Variants in OR2T11 observed in about 807,000 individuals in gnomAD.
OR2T11 encodes the protein olfactory receptor family 2 subfamily T member 11, also known as olfactory receptor 2T11.
In OR2T11, 14 loss-of-function variants were observed where a neutral mutation model predicts 13.5. The ratio of observed to expected loss-of-function variants is 1.04; its 90% CI spans 0.69 to 1.62. The LOEUF is 1.62. OR2T11 is among the 40% of genes most tolerant of loss of function. The pLI is 0.00. For missense variants in OR2T11, 410 were observed against 389.7 expected (o/e 1.05, Z -0.44); for synonymous variants, 163 against 154.6 (o/e 1.05, Z -0.40).
rs1003113350 is a variant in OR2T11 at position 248,627,030 on chromosome 1, C to G, written c.99G>C (p.Leu33Phe). The change falls in exon 2 of 2, where the codon TTG (leucine) becomes TTC (phenylalanine). Residue 33 changes from leucine (L) to phenylalanine (F), a missense_variant. Leu to Phe is a conservative substitution (Grantham distance 22). Coordinates refer to ENST00000641193, the MANE Select transcript of OR2T11 (RefSeq NM_001001964.2). ...IVFTVILAVF[L>F]GAVTANLVMI... is the part of the protein sequence containing the mutation. The stretch of plus-strand genomic sequence containing the variant: ...TGACCAAATTTGCAGTCACGGCCCC[C>G]AAGAAAACAGCAAGGATCACTGTAA... The G allele has an allele frequency of 1.0e-5, 16 of 1,569,966 alleles. 2 individuals carry two copies. The highest frequency in any genetic ancestry group is 1.3e-5 in the Non-Finnish European group (15 of 1,154,582).
intron 1 of OR2T11, among the ~76,000 whole-genome samples, chr1:248,628,647 C>G (rs1660556456): frequency 7.0e-6 from 1 of 143,316 alleles, no homozygotes; most frequent in East Asian, 2.0e-4. Flanking sequence ...GAAGTCATAT[C>G]TGGTTTCACA....
chr1:248,627,124 G>A lies in OR2T11; in HGVS notation c.5C>T (p.Thr2Met), dbSNP rs41308178. The change falls in exon 2 of 2, where the codon ACG (threonine) becomes ATG (methionine). Residue 2 changes from threonine (T) to methionine (M), a missense_variant. By Grantham distance (81) the Thr-to-Met change is moderately conservative (BLOSUM62 -1). Coordinates refer to ENST00000641193, the MANE Select transcript of OR2T11 (RefSeq NM_001001964.2). M[T>M]NTSSSDFTLL... ...GGTGAAGTCAGAGGATGATGTGTTC[G>A]TCATTGATATGGCCCACGAGCGTCC... is the stretch of plus-strand genomic sequence containing the variant. 1.2e-3 allele frequency: 1,847 copies of A among 1,521,772 alleles called. 198 individuals carry two copies. The highest frequency in any genetic ancestry group is 1.8e-3 in the African/African-American group (117 of 65,036). The allele number at this position is 1,521,772 out of a possible 1,614,324, so 94.3% of individuals were successfully genotyped here.
In OR2T11 at chr1:248,626,669, A is replaced by G; in HGVS notation, c.460T>C (p.Phe154Leu). The G allele has an allele frequency of 3.2e-6, 5 of 1,573,122 alleles. No individual in the cohort carries two copies. Among genetic ancestry groups the G allele is most frequent in the South Asian group, 1.1e-5 (1 of 88,902 alleles). Residue 154 changes from phenylalanine to leucine, a missense_variant, in exon 2 of 2, where the codon TTT (phenylalanine) becomes CTT (leucine). Transcript: ENST00000641193. ...GAWFGGSLDGFLLTPITMNVP... is the reference protein window; with the variant it reads ...GAWFGGSLDGLLLTPITMNVP... ...TTCATGGTGATGGGAGTGAGCAGAA[A>G]GCCATCGAGGGAGCCCCCAAACCAG...
chr1:248,627,774 T>C (rs1660545933), intron 1 of OR2T11, among the ~76,000 whole-genome samples: 1 of 142,736 alleles, frequency 7.0e-6, no homozygotes, highest in Non-Finnish European at 1.5e-5. Context: ...GTGCTCACAT[T>C]ACTAATTTCT....
In OR2T11 at chr1:248,626,103, G is replaced by T; in HGVS notation, c.*75C>A. ...CAGTAGTAAGTGTAGGTTGATAGCT[G>T]AGCAGATCATCTCCAGGGAAACAGG... is the stretch of plus-strand genomic sequence containing the variant. On this transcript the variant is annotated 3_prime_UTR_variant, in exon 2 of 2. Coordinates refer to ENST00000641193, the MANE Select transcript of OR2T11 (RefSeq NM_001001964.2). 1 of 812,366 alleles carries T rather than the reference G, an allele frequency of 1.2e-6. No individual in the cohort carries two copies. The highest frequency in any genetic ancestry group is 1.6e-5 in the South Asian group (1 of 62,592). The allele number at this position is 812,366 out of a possible 1,614,324, so 50.3% of individuals were successfully genotyped here. A position where few individuals can be genotyped will look rare whatever the true frequency, so the allele number is the denominator to read the frequency against.
rs1212884867 is a variant in OR2T11 at position 248,626,789 on chromosome 1, G to T, written c.340C>A (p.Leu114Ile). The change falls in exon 2 of 2, where the codon CTC becomes ATC. Residue 114 changes from leucine to isoleucine, a missense_variant. Transcript: ENST00000641193. ...MIGSEFFLLG[L>I]MAYDCYVAVC... The stretch of plus-strand genomic sequence containing the variant: ...GCCACGTAGCAGTCATAGGCCATGA[G>T]GCCCAGGAGGAAGAACTCAGAACCA... The T allele has an allele frequency of 2.5e-6, 4 of 1,569,474 alleles. No homozygotes were observed. Among genetic ancestry groups the T allele is most frequent in the Non-Finnish European group, 2.6e-6 (3 of 1,154,686 alleles).
At chr1:248,630,066 TTGAA>T (rs1273361701) in intron 1 of OR2T11, among the ~76,000 whole-genome samples, 1 of 140,574 alleles carries the variant, frequency 7.1e-6, no homozygotes, top group Non-Finnish European at 1.5e-5. Flanking sequence ...TTGTAAATCT[TTGAA>T]TAAATCATTT....
At position 248,625,658 on chromosome 1, in the gene OR2T11, G is replaced by T. The variant is rs1184659731; in HGVS notation, c.*520C>A. The T allele has an allele frequency of 2.0e-5, 3 of 147,236 alleles. No homozygotes were observed. Among genetic ancestry groups the T allele is most frequent in the African/African-American group, 8.2e-5 (3 of 36,554 alleles). 9.1% of individuals were successfully genotyped at this position (147,236 alleles called of 1,614,324 possible). The stretch of plus-strand genomic sequence containing the variant: ...ATAGCTGCTGTCTGTACTCAAGAGG[G>T]TCAGAGATTCAACGATAATATTAGA... On this transcript the variant is annotated 3_prime_UTR_variant, in exon 2 of 2. Transcript: ENST00000641193.
At chr1:248,627,299 G>A in intron 1 of OR2T11, 27 bp from the exon 2 acceptor site, 2 of 557,938 alleles carry the variant, frequency 3.6e-6, no homozygotes, top group South Asian at 4.4e-5. Flanking sequence ...AGACCAACAT[G>A]CACATCATGA....
intron 1 of OR2T11, among the ~76,000 whole-genome samples, chr1:248,628,410 G>A (rs1236304374): frequency 7.1e-6 from 1 of 140,018 alleles, no homozygotes; most frequent in African/African-American, 2.9e-5. Context: ...ATCAACGGGG[G>A]AGCCCGGATG....
At position 248,625,446 on chromosome 1, in the gene OR2T11, G is replaced by C. The variant is rs1360866877; in HGVS notation, c.*732C>G. 7.0e-6 allele frequency: 1 copy of C among 143,846 alleles called. No homozygotes were observed. The highest frequency in any genetic ancestry group is 1.5e-5 in the Non-Finnish European group (1 of 66,394). The allele number at this position is 143,846 out of a possible 1,614,324, so 8.9% of individuals were successfully genotyped here. On this transcript the variant is annotated 3_prime_UTR_variant, in exon 2 of 2. Coordinates refer to ENST00000641193, the MANE Select transcript of OR2T11 (RefSeq NM_001001964.2). ...GAATCACAGAACTTGGAAAAGGGAA[G>C]TTTCTGGCCATGGATGTTAACGAAC...
intron 1 of OR2T11, among the ~76,000 whole-genome samples, chr1:248,631,389 A>G (rs1660612626): frequency 7.0e-6 from 1 of 143,170 alleles, no homozygotes; most frequent in South Asian, 2.2e-4. Context: ...AATTATCACC[A>G]TCTCACAGCT....
At chr1:248,629,013 T>G (rs1660565856) in intron 1 of OR2T11, among the ~76,000 whole-genome samples, 2 of 143,672 alleles carry the variant, frequency 1.4e-5, no homozygotes, top group African/African-American at 5.5e-5. Context: ...TATATTAGAC[T>G]CCAAAAACTT....
Position 248,628,468 on chromosome 1 carries a change from C to T in OR2T11, c.-144-1196G>A, listed in dbSNP as rs187173643. 9.2e-4 allele frequency among the ~76,000 whole-genome samples: 130 copies of T among 140,736 alleles called. 16 individuals are homozygous for T. Among genetic ancestry groups the T allele is most frequent in the Middle Eastern group, 3.4e-3 (1 of 292 alleles). The allele number at this position is 140,736 out of a possible 152,430, so 92.3% of individuals were successfully genotyped here. ...CATGTTGCTAGACACACCTTGGCTC[C>T]ACTATCTAGTGTTGCCAGATTTAGC... On this transcript the variant is annotated intron_variant, in intron 1 of 1. Coordinates refer to ENST00000641193, the MANE Select transcript of OR2T11 (RefSeq NM_001001964.2).
intron 1 of OR2T11, among the ~76,000 whole-genome samples, chr1:248,633,483 C>CA (rs111569736): frequency 0.94 from 131,654 of 140,062 alleles, 63,622 homozygotes; most frequent in East Asian, 1. Context: ...TACACAAAGC[C>CA]ATTATTTGCA....
rs1463519920 is a variant in OR2T11 at position 248,630,050 on chromosome 1, G to A, written c.-144-2778C>T. Among the ~76,000 whole-genome samples the A allele has an allele frequency of 1.4e-5, 2 of 143,334 alleles. 1 individual carries two copies. Among genetic ancestry groups the A allele is most frequent in the African/African-American group, 5.5e-5 (2 of 36,380 alleles). The allele number at this position is 143,334 out of a possible 152,430, so 94.0% of individuals were successfully genotyped here. On this transcript the variant is annotated intron_variant, in intron 1 of 1. Transcript: ENST00000641193. The stretch of plus-strand genomic sequence containing the variant: ...ACTCTCACCATCTAAAGATACGACT[G>A]GCACATTGTAAATCTTTGAATAAAT...
intron 1 of OR2T11, among the ~76,000 whole-genome samples, chr1:248,631,921 C>T (rs564785178): frequency 7.0e-6 from 1 of 143,678 alleles, no homozygotes; most frequent in East Asian, 2.0e-4. Context: ...ACATGAAGCC[C>T]TGTACGTACT....
intron 1 of OR2T11, among the ~76,000 whole-genome samples, chr1:248,634,577 G>A (rs144799659): frequency 0.83 from 112,700 of 135,574 alleles, 49,390 homozygotes; most frequent in South Asian, 0.94. Context: ...TCATTTGTGT[G>A]TGAATCAGCC....
intron 1 of OR2T11, among the ~76,000 whole-genome samples, chr1:248,631,046 C>G (rs1660606116): frequency 7.0e-6 from 1 of 142,302 alleles, no homozygotes; most frequent in Non-Finnish European, 1.5e-5. Flanking sequence ...TCTCTAGAAA[C>G]TGGAGAGGGC....
Sources: allele counts gnomAD v4.1 joint callset (sites outside exome capture counted in the v4.1 genomes callset), GRCh38; gene constraint gnomAD v4.1.1; transcripts MANE v1.5; gene names NCBI Gene and HGNC (gene_info 2026-07-23, HGNC 2026-07-21).